NCKAP5: variants seen among roughly 807,000 people sequenced by gnomAD.
NCKAP5 encodes nck-associated protein 5.
A neutral mutation model predicts 167.0 loss-of-function variants in NCKAP5; 92 were observed. The observed-to-expected ratio is 0.55, with a 90% confidence interval of 0.47 to 0.66. The LOEUF is 0.66. Ranked by LOEUF, NCKAP5 falls within the 30% of genes least tolerant of loss-of-function variation. NCKAP5 has a pLI of 0.00. For synonymous variants in NCKAP5, 891 were observed against 877.4 expected, an observed-to-expected ratio of 1.02 and a Z score of -0.27; for missense variants, 2,378 against 2,315.0, an observed-to-expected ratio of 1.03 and a Z score of -0.56.
In NCKAP5 at chr2:133,362,113, T is replaced by C. The variant is rs139021854; in HGVS notation, c.70-59003A>G. 3.0e-3 allele frequency among the ~76,000 whole-genome samples: 460 copies of C among 152,290 alleles called. 1 individual carries two copies. Among genetic ancestry groups the C allele is most frequent in the Middle Eastern group, 0.01 (3 of 294 alleles). On this transcript the variant is annotated intron_variant, in intron 3 of 19. Coordinates refer to ENST00000409261, the MANE Select transcript of NCKAP5 (RefSeq NM_207363.3). Reference sequence around the variant, plus strand: ...GGTTAAGGCTGTGTTTCGAGCCATATGAGAACAAGGATGGGATTGTCTTAT... The same window carrying C: ...GGTTAAGGCTGTGTTTCGAGCCATACGAGAACAAGGATGGGATTGTCTTAT...
chr2:132,713,866 C>T (rs557824182), intron 19 of NCKAP5, among the ~76,000 whole-genome samples: 1 of 152,266 alleles, frequency 6.6e-6, no homozygotes, highest in South Asian at 2.1e-4. Context: ...TGCACAAGAT[C>T]CAGAGCCAGC....
intron 3 of NCKAP5, among the ~76,000 whole-genome samples, chr2:133,328,534 C>T (rs1255277545): frequency 6.6e-6 from 1 of 152,132 alleles, no homozygotes; most frequent in Non-Finnish European, 1.5e-5. Flanking sequence ...AGGTAGAGCT[C>T]CTGGAGTCTC....
chr2:133,465,769 G>A (rs1174107623), intron 3 of NCKAP5, among the ~76,000 whole-genome samples: 3 of 151,872 alleles, frequency 2.0e-5, no homozygotes, highest in Admixed American at 6.6e-5. Flanking sequence ...GTGATGATGA[G>A]CATTTTTTCA....
At chr2:132,927,993 T>C (rs1026069405) in intron 8 of NCKAP5, among the ~76,000 whole-genome samples, 5 of 152,188 alleles carry the variant, frequency 3.3e-5, no homozygotes, top group Non-Finnish European at 7.4e-5. Flanking sequence ...TATATCTGTT[T>C]CTTAAGTAAA....
At chr2:133,013,047 G>A (rs988721083) in intron 6 of NCKAP5, among the ~76,000 whole-genome samples, 1 of 152,176 alleles carries the variant, frequency 6.6e-6, no homozygotes, top group African/African-American at 2.4e-5. Flanking sequence ...GGTGGTTCAG[G>A]AGTATAAAGC....
chr2:132,787,665 G>C (rs1221125535), intron 13 of NCKAP5, among the ~76,000 whole-genome samples: 1 of 152,000 alleles, frequency 6.6e-6, no homozygotes, highest in East Asian at 1.9e-4. Context: ...GAAGTTGCTG[G>C]CAGTAGATGC....
intron 3 of NCKAP5, among the ~76,000 whole-genome samples, chr2:133,516,150 G>A (rs1683973870): frequency 6.6e-6 from 1 of 152,128 alleles, no homozygotes; most frequent in Admixed American, 6.5e-5. Flanking sequence ...GACCCTATTG[G>A]CATGCTGATA....
the NCKAP5 span, among the ~76,000 whole-genome samples, chr2:133,625,867 T>A: frequency 1.6e-5 from 2 of 121,830 alleles, no homozygotes; most frequent in Non-Finnish European, 3.4e-5. Context: ...GCGAGACTTG[T>A]CTCAAAAAAA....
At chr2:133,654,695 C>A in the NCKAP5 span, among the ~76,000 whole-genome samples, 1 of 152,298 alleles carries the variant, frequency 6.6e-6, no homozygotes, top group South Asian at 2.1e-4. Flanking sequence ...ATACCAGCCA[C>A]GTGGTTGGTA....
At chr2:133,219,686 T>A (rs1444855445) in intron 4 of NCKAP5, among the ~76,000 whole-genome samples, 1 of 152,180 alleles carries the variant, frequency 6.6e-6, no homozygotes, top group East Asian at 1.9e-4. Context: ...TGTGTACATT[T>A]TACATCAGCT....
chr2:133,025,444 A>C (rs1168101211), intron 6 of NCKAP5, among the ~76,000 whole-genome samples: 2 of 152,232 alleles, frequency 1.3e-5, no homozygotes, highest in African/African-American at 4.8e-5. Flanking sequence ...TGGAAAGTAC[A>C]GGTGTAGGGG....
chr2:133,494,225 T>C (rs978954219), intron 3 of NCKAP5, among the ~76,000 whole-genome samples: 9 of 152,206 alleles, frequency 5.9e-5, no homozygotes, highest in African/African-American at 2.2e-4. Context: ...TTCATTCTCA[T>C]ATAGCCAAAA....
chr2:133,017,430 C>T (rs1025126206), intron 6 of NCKAP5, among the ~76,000 whole-genome samples: 1 of 152,114 alleles, frequency 6.6e-6, no homozygotes, highest in African/African-American at 2.4e-5. Flanking sequence ...TGCACAAATA[C>T]AGTATTTCAT....
At chr2:132,697,794 G>C (rs1340070086) in intron 19 of NCKAP5, among the ~76,000 whole-genome samples, 1 of 152,168 alleles carries the variant, frequency 6.6e-6, no homozygotes, top group Non-Finnish European at 1.5e-5. Context: ...CTGTTTCCAA[G>C]CCAACAGGAA....
At chr2:133,456,312 C>T (rs563546237) in intron 3 of NCKAP5, among the ~76,000 whole-genome samples, 22 of 152,292 alleles carry the variant, frequency 1.4e-4, no homozygotes, top group African/African-American at 4.8e-4. Context: ...TGATTGCCAT[C>T]GTGTGGGCTT....
the NCKAP5 span, among the ~76,000 whole-genome samples, chr2:133,659,145 C>T: frequency 6.6e-6 from 1 of 152,072 alleles, no homozygotes; most frequent in African/African-American, 2.4e-5. Flanking sequence ...AGGCTAGTCA[C>T]TTAACCTTCC....
chr2:132,872,880 C>T (rs181566374), intron 9 of NCKAP5, among the ~76,000 whole-genome samples: 3 of 152,250 alleles, frequency 2.0e-5, no homozygotes, highest in East Asian at 1.9e-4. Flanking sequence ...CATACACTGA[C>T]ATGCGCAGGG....
At chr2:133,094,439 C>T (rs930888170) in intron 6 of NCKAP5, among the ~76,000 whole-genome samples, 1 of 152,188 alleles carries the variant, frequency 6.6e-6, no homozygotes, top group Admixed American at 6.5e-5. Flanking sequence ...TAAATACCAC[C>T]TGGCTCCCAA....
At position 132,671,931 on chromosome 2, in the gene NCKAP5, G is replaced by C. The variant is rs1488845626; in HGVS notation, c.*1358C>G. ...TTGCACAAATTAACCAAATAACACT[G>C]ATCATACAATACTCTTTAAAGAAAC... On this transcript the variant is annotated 3_prime_UTR_variant, in exon 20 of 20. Coordinates refer to ENST00000409261, the MANE Select transcript of NCKAP5 (RefSeq NM_207363.3). 6.6e-6 allele frequency: 1 copy of C among 152,582 alleles called. No individual in the cohort carries two copies. The highest frequency in any genetic ancestry group is 1.5e-5 in the Non-Finnish European group (1 of 68,028). 9.5% of individuals were successfully genotyped at this position (152,582 alleles called of 1,614,324 possible). A position where few individuals can be genotyped will look rare whatever the true frequency, so the allele number is the denominator to read the frequency against.
Sources: gnomAD v4.1 joint callset for allele counts (sites outside exome capture counted in the v4.1 genomes callset) on GRCh38, gnomAD v4.1.1 for gene constraint, MANE v1.5 for transcripts, NCBI Gene and HGNC (gene_info 2026-07-23, HGNC 2026-07-21) for gene names.